KIF15: variants seen among roughly 807,000 people sequenced by gnomAD.
The protein encoded by KIF15 is kinesin family member 15.
Under a neutral mutation model 190.6 loss-of-function variants are expected in KIF15, and 140 were observed. The ratio of observed to expected loss-of-function variants is 0.73; its 90% CI spans 0.64 to 0.84. The LOEUF is 0.84. KIF15 is among the 40% of genes least tolerant of loss of function. The pLI, the probability that KIF15 is intolerant of heterozygous loss-of-function variation, is 0.00. For missense variants in KIF15, 1,372 were observed against 1,584.4 expected (o/e 0.87, Z 2.28); for synonymous variants, 528 against 551.3 (o/e 0.96, Z 0.59).
At chr3:44,847,492 G>C (rs1415154021) in intron 30 of KIF15, among the ~76,000 whole-genome samples, 3 of 152,160 alleles carry the variant, frequency 2.0e-5, no homozygotes, top group African/African-American at 7.2e-5. Context: ...ACACGGAAAG[G>C]CAGAGTGGTT....
rs1029065842 is a variant in KIF15 at position 44,813,134 on chromosome 3, G to A, written c.2337G>A (p.Leu779=). Reference sequence around the variant, plus strand: ...AGCAGGAAGAGCTTCTCTCACAGTTGAATGTCCTTGAAAAGCAGCTTCAAG... The same window carrying A: ...AGCAGGAAGAGCTTCTCTCACAGTTAAATGTCCTTGAAAAGCAGCTTCAAG... ...TKQQEELLSQ[L]NVLEKQLQET... Residue 779 remains leucine (L), a synonymous_variant, in exon 19 of 35, where the codon TTG becomes TTA. Transcript: ENST00000326047. 2 of 1,602,524 alleles carry A rather than the reference G, an allele frequency of 1.2e-6. No individual in the cohort carries two copies. The highest frequency in any genetic ancestry group is 4.5e-5 in the East Asian group (2 of 44,348).
intron 4 of KIF15, among the ~76,000 whole-genome samples, chr3:44,779,165 T>C (rs1451327188): frequency 2.0e-5 from 3 of 152,130 alleles, no homozygotes; most frequent in Admixed American, 2.0e-4. Flanking sequence ...CTCCTTGAGG[T>C]TGGTTTTTGT....
At chr3:44,863,298 G>GCAC (rs1553668717) in intron 6 of KIF15, 1 of 38,726 alleles carries the variant, frequency 2.6e-5, no homozygotes, top group Non-Finnish European at 5.7e-5. Context: ...TTTAGATTCC[G>GCAC]CACCCCCCCC....
In KIF15 at chr3:44,838,322, C is replaced by T. The variant is rs770552066; in HGVS notation, c.3219C>T (p.Asn1073=). Residue 1073 remains asparagine (N), a synonymous_variant, in exon 27 of 35, where the codon AAC becomes AAT. Transcript: ENST00000326047. ...EDLAHATEQL[N]MLTEASKKHS... is the part of the protein sequence containing the mutation. ...TGGCTCATGCCACTGAGCAGCTGAA[C>T]ATGCTCACAGAGGCCTCAAAAAAAC... is the stretch of plus-strand genomic sequence containing the variant. 1.2e-6 allele frequency: 2 copies of T among 1,613,906 alleles called. No individual in the cohort carries two copies. Among genetic ancestry groups the T allele is most frequent in the Admixed American group, 1.7e-5 (1 of 60,000 alleles).
chr3:44,799,050 A>G (rs1707130359), intron 10 of KIF15: 1 of 341,588 alleles, frequency 2.9e-6, no homozygotes, highest in Non-Finnish European at 5.7e-6. Context: ...AGTACTAGTA[A>G]GATGAGGAGG....
Position 44,809,188 on chromosome 3 carries a change from G to A in KIF15, c.1972-1658G>A, listed in dbSNP as rs370401623. Among the ~76,000 whole-genome samples, 5 of 152,080 alleles carry A rather than the reference G, an allele frequency of 3.3e-5. No individual in the cohort carries two copies. In the South Asian group the frequency reaches 6.2e-4, roughly 19 times the overall value. Reference sequence around the variant, plus strand: ...GATGGGTAAAAAATGAGATCTTGTTGTTAAGGTTTTAATTCTCATTTCTCT... The same window carrying A: ...GATGGGTAAAAAATGAGATCTTGTTATTAAGGTTTTAATTCTCATTTCTCT... On this transcript the variant is annotated intron_variant, in intron 16 of 34. Transcript: ENST00000326047.
At chr3:44,833,163 C>T (rs1698153242) in intron 26 of KIF15, among the ~76,000 whole-genome samples, 1 of 152,046 alleles carries the variant, frequency 6.6e-6, no homozygotes, top group Admixed American at 6.6e-5. Flanking sequence ...TCTCCCTGTG[C>T]TTCATTTGCC....
intron 26 of KIF15, among the ~76,000 whole-genome samples, chr3:44,834,661 G>A (rs1349048489): frequency 1.3e-5 from 2 of 152,072 alleles, no homozygotes; most frequent in South Asian, 2.1e-4. Flanking sequence ...TGTGGCTCAC[G>A]CCTGTAATCT....
chr3:44,843,014 T>C, intron 29 of KIF15, 111 bp from the exon 30 acceptor site: 2 of 702,016 alleles, frequency 2.8e-6, no homozygotes, highest in Non-Finnish European at 4.8e-6. Context: ...CAGTGCAGTG[T>C]CTCTGCATAG....
Position 44,801,991 on chromosome 3 carries a change from TA to T in KIF15, c.1509+18del, listed in dbSNP as rs1233115677. On this transcript the variant is annotated intron_variant, in intron 13 of 34. Coordinates refer to ENST00000326047, the MANE Select transcript of KIF15 (RefSeq NM_020242.3). ...CGAGAACAAGTGAGTATACGGCATCTATAATATTTCTAAAAATAAAAGAAGT... is the reference window on the plus strand; with the variant it reads ...CGAGAACAAGTGAGTATACGGCATCTTAATATTTCTAAAAATAAAAGAAGT... 1 of 1,520,980 alleles carries T rather than the reference TA, an allele frequency of 6.6e-7. No homozygotes were observed. The highest frequency in any genetic ancestry group is 1.4e-5 in the African/African-American group (1 of 72,122). 94.2% of individuals were successfully genotyped at this position (1,520,980 alleles called of 1,614,324 possible).
Position 44,765,087 on chromosome 3 carries a change from A to G in KIF15, c.19+3203A>G, listed in dbSNP as rs545600574. Among the ~76,000 whole-genome samples, 7 of 152,346 alleles carry G rather than the reference A, an allele frequency of 4.6e-5. 1 individual carries two copies. In the East Asian group the frequency reaches 7.7e-4, roughly 17 times the overall value. On this transcript the variant is annotated intron_variant, in intron 1 of 34. Coordinates refer to ENST00000326047, the MANE Select transcript of KIF15 (RefSeq NM_020242.3). ...CTTCGTTCAAATCCTAGCACTTCTC[A>G]ATGATGTTTCCTTAGATCTCAATTA...
intron 1 of KIF15, 108 bp downstream of exon 1, chr3:44,761,992 A>T: frequency 7.2e-7 from 1 of 1,395,152 alleles, no homozygotes; most frequent in Non-Finnish European, 1.0e-6. Flanking sequence ...CATGAACTGC[A>T]GGAGCTGAGT....
At chr3:44,799,200 G>A (rs1707137322) in intron 10 of KIF15, 1 of 455,316 alleles carries the variant, frequency 2.2e-6, no homozygotes, top group Non-Finnish European at 4.4e-6. Context: ...ACCTTGTAAT[G>A]AGGCTGGCCA....
downstream of KIF15, among the ~76,000 whole-genome samples, chr3:44,854,857 G>C (rs899463355): frequency 6.6e-6 from 1 of 152,142 alleles, no homozygotes; most frequent in Admixed American, 6.5e-5. Flanking sequence ...AAAGACACTA[G>C]TCATATTGGA....
intron 12 of KIF15, 59 bp downstream of exon 12, chr3:44,801,585 T>C: frequency 8.7e-7 from 1 of 1,144,050 alleles, no homozygotes. Context: ...TGCTGTGTGG[T>C]TTTTATTGCC....
intron 20 of KIF15, among the ~76,000 whole-genome samples, chr3:44,825,534 C>CA (rs1697592453): frequency 6.6e-6 from 1 of 151,936 alleles, no homozygotes; most frequent in Non-Finnish European, 1.5e-5. Flanking sequence ...GGATGAAAAC[C>CA]AAAAAAAGCA....
chr3:44,765,409 A>G (rs1015337740), intron 1 of KIF15, among the ~76,000 whole-genome samples: 3 of 152,116 alleles, frequency 2.0e-5, no homozygotes, highest in African/African-American at 4.8e-5. Flanking sequence ...AGTGAAGTCT[A>G]TTTCCCTCCT....
chr3:44,771,054 A>G (rs1444934510), intron 1 of KIF15, among the ~76,000 whole-genome samples: 1 of 152,204 alleles, frequency 6.6e-6, no homozygotes, highest in South Asian at 2.1e-4. Flanking sequence ...AGAAACCTGC[A>G]TTTGAGAGCA....
chr3:44,794,505 C>A, intron 8 of KIF15, 79 bp downstream of exon 8: 1 of 1,060,616 alleles, frequency 9.4e-7, no homozygotes, highest in Non-Finnish European at 1.4e-6. Flanking sequence ...ATGACAGTGT[C>A]TCAGTCAATG....
Sources: allele counts gnomAD v4.1 joint callset (sites outside exome capture counted in the v4.1 genomes callset), GRCh38; gene constraint gnomAD v4.1.1; transcripts MANE v1.5; gene names NCBI Gene and HGNC (gene_info 2026-07-23, HGNC 2026-07-21).